The following ABCA13 variants were observed in gnomAD, a reference collection of about 807,000 sequenced individuals.
The protein encoded by ABCA13 is ATP-binding cassette sub-family A member 13.
Under a neutral mutation model 478.7 loss-of-function variants are expected in ABCA13, and 476 were observed. The observed-to-expected ratio is 0.99, with a 90% CI of 0.92 to 1.07. ABCA13 has a LOEUF of 1.07. ABCA13 is among the 50% of genes least tolerant of loss of function. The pLI is 0.00. For missense variants in ABCA13, 6,060 were observed against 5,910.6 expected (o/e 1.03, Z -0.83); for synonymous variants, 2,252 against 2,158.9 (o/e 1.04, Z -1.20).
chr7:48,394,899 G>T (rs1031821231), intron 38 of ABCA13, among the ~76,000 whole-genome samples: 2 of 152,080 alleles, frequency 1.3e-5, no homozygotes, highest in African/African-American at 4.8e-5. Context: ...GCTCTACTGG[G>T]GGGTGTGTGA....
intron 41 of ABCA13, among the ~76,000 whole-genome samples, chr7:48,422,260 G>A (rs1172442838): frequency 1.3e-5 from 2 of 151,496 alleles, no homozygotes; most frequent in African/African-American, 4.9e-5. Flanking sequence ...TCTTCATTTG[G>A]GGGCTAAGGT....
At chr7:48,528,851 A>T (rs942971601) in intron 55 of ABCA13, among the ~76,000 whole-genome samples, 2 of 152,078 alleles carry the variant, frequency 1.3e-5, no homozygotes, top group Non-Finnish European at 2.9e-5. Context: ...AGTAGGCAAG[A>T]TGTTTATTCC....
chr7:48,460,001 G>T (rs1826076776), intron 43 of ABCA13, among the ~76,000 whole-genome samples: 1 of 152,084 alleles, frequency 6.6e-6, no homozygotes. Context: ...CTGGCCCACT[G>T]TCTGCTGAGT....
chr7:48,360,919 G>T (rs1170519660), intron 31 of ABCA13, among the ~76,000 whole-genome samples: 1 of 151,788 alleles, frequency 6.6e-6, no homozygotes, highest in African/African-American at 2.4e-5. Flanking sequence ...AGCATAGCAA[G>T]ACCCCATCTC....
At chr7:48,303,337 TAATTAGGTCCCATTTTTC>T (rs1800425617) in intron 23 of ABCA13, among the ~76,000 whole-genome samples, 1 of 152,190 alleles carries the variant, frequency 6.6e-6, no homozygotes, top group African/African-American at 2.4e-5. Context: ...CTTTTTAGTT[TAATTAGGTCCCATTTTTC>T]AATTTTTGCT....
chr7:48,589,239 T>C (rs1004637510), intron 57 of ABCA13, among the ~76,000 whole-genome samples: 7 of 152,220 alleles, frequency 4.6e-5, no homozygotes, highest in African/African-American at 1.4e-4. Context: ...TTATTTGATG[T>C]TGCTAAATAA....
At chr7:48,340,940 T>TA (rs1401441692) in intron 29 of ABCA13, among the ~76,000 whole-genome samples, 1 of 152,220 alleles carries the variant, frequency 6.6e-6, no homozygotes, top group African/African-American at 2.4e-5. Context: ...TTCTAACTGA[T>TA]ACACCTACGG....
At position 48,262,313 on chromosome 7, in the gene ABCA13, G is replaced by C. The variant is rs146555293; in HGVS notation, c.2006-6667G>C. Among the ~76,000 whole-genome samples, 366 of 151,974 alleles carry C rather than the reference G, an allele frequency of 2.4e-3. 3 individuals carry two copies. The highest frequency in any genetic ancestry group is 8.4e-3 in the African/African-American group (349 of 41,546). On this transcript the variant is annotated intron_variant, in intron 15 of 61. Coordinates refer to ENST00000435803, the MANE Select transcript of ABCA13 (RefSeq NM_152701.5). ...GTGGATGCCTGGCTGGGGTGATGGA[G>C]AGAGTGTGTTAGAATTCATTCTTGC...
intron 58 of ABCA13, among the ~76,000 whole-genome samples, chr7:48,597,955 ACCAC>A (rs1163027803): frequency 1.3e-5 from 2 of 152,154 alleles, no homozygotes; most frequent in African/African-American, 4.8e-5. Context: ...ACAGCACATT[ACCAC>A]CCCAATCCAA....
In ABCA13 at chr7:48,275,165, G is replaced by A. The variant is rs1367712750; in HGVS notation, c.5499G>A (p.Arg1833=). The A allele has an allele frequency of 1.2e-6, 2 of 1,613,824 alleles. No individual in the cohort carries two copies. The highest frequency in any genetic ancestry group is 3.3e-5 in the Admixed American group (2 of 59,972). ...WCWNHTNSGF[R]QNSKIDPCNV... The stretch of plus-strand genomic sequence containing the variant: ...GGAATCACACAAATTCTGGATTTCG[G>A]CAGAATTCAAAGATAGACCCCTGCA... The change falls in exon 17 of 62, where the codon CGG becomes CGA. Residue 1833 remains arginine (R), a synonymous_variant. Coordinates refer to ENST00000435803, the MANE Select transcript of ABCA13 (RefSeq NM_152701.5).
chr7:48,539,152 G>A lies in ABCA13; in HGVS notation c.14354+10807G>A, dbSNP rs570239957. 1.7e-3 allele frequency among the ~76,000 whole-genome samples: 263 copies of A among 152,194 alleles called. 1 individual carries two copies. Among genetic ancestry groups the A allele is most frequent in the African/African-American group, 5.6e-3 (234 of 41,540 alleles). ...TCCTAGCACTTTGGGAGGCTGTGGCGGGCGAATTGCTTGAGCCCAGAGTTT... is the reference window on the plus strand; with the variant it reads ...TCCTAGCACTTTGGGAGGCTGTGGCAGGCGAATTGCTTGAGCCCAGAGTTT... On this transcript the variant is annotated intron_variant, in intron 55 of 61. Coordinates refer to ENST00000435803, the MANE Select transcript of ABCA13 (RefSeq NM_152701.5).
At chr7:48,455,346 T>G (rs1825548078) in intron 43 of ABCA13, 60 bp downstream of exon 43, 22 of 1,495,358 alleles carry the variant, frequency 1.5e-5, no homozygotes, top group South Asian at 2.5e-5. Flanking sequence ...TGAATTGCAA[T>G]AGCTTCGATA....
chr7:48,230,076 A>T lies in ABCA13; in HGVS notation c.763+121A>T, dbSNP rs189097947. On this transcript the variant is annotated intron_variant, in intron 7 of 61. Transcript: ENST00000435803. Reference sequence around the variant, plus strand: ...TTTAATTAAAATTTCAAATTCAAAAAAGTATGAATTGTTTCTGTTAATACA... The same window carrying T: ...TTTAATTAAAATTTCAAATTCAAAATAGTATGAATTGTTTCTGTTAATACA... 1.6e-4 allele frequency: 201 copies of T among 1,252,774 alleles called. No individual in the cohort carries two copies. In the Middle Eastern group the frequency reaches 2.0e-3, roughly 12 times the overall value. The allele number at this position is 1,252,774 out of a possible 1,614,324, so 77.6% of individuals were successfully genotyped here.
intron 59 of ABCA13, among the ~76,000 whole-genome samples, chr7:48,623,549 A>G (rs1793361623): frequency 6.6e-6 from 1 of 152,214 alleles, no homozygotes; most frequent in Non-Finnish European, 1.5e-5. Flanking sequence ...GTAAGAATCC[A>G]GAGGTAACTG....
chr7:48,321,327 T>C (rs1412873093), intron 27 of ABCA13, among the ~76,000 whole-genome samples: 1 of 152,136 alleles, frequency 6.6e-6, no homozygotes, highest in African/African-American at 2.4e-5. Context: ...GGGTATATAA[T>C]GCCAGACGGG....
chr7:48,209,621 T>G (rs1267467837), intron 3 of ABCA13, among the ~76,000 whole-genome samples: 1 of 152,188 alleles, frequency 6.6e-6, no homozygotes, highest in Non-Finnish European at 1.5e-5. Flanking sequence ...ATTTATTTAT[T>G]TCTTCTAAGT....
chr7:48,563,675 T>G (rs1323347205), intron 55 of ABCA13, among the ~76,000 whole-genome samples: 4 of 152,060 alleles, frequency 2.6e-5, no homozygotes, highest in Non-Finnish European at 5.9e-5. Context: ...TGGCCTGTGG[T>G]CAGGCCTGAA....
chr7:48,606,913 G>A lies in ABCA13; in HGVS notation c.14745-8372G>A, dbSNP rs190364333. Among the ~76,000 whole-genome samples the A allele has an allele frequency of 3.6e-3, 549 of 152,300 alleles. 4 individuals are homozygous for A. Among genetic ancestry groups the A allele is most frequent in the African/African-American group, 0.012 (510 of 41,560 alleles). ...GCCGTTTTTCCAGAGATGCCCTGCC[G>A]AGAGAGGAGGAATCTAGAGAGACAC... On this transcript the variant is annotated intron_variant, in intron 58 of 61. Coordinates refer to ENST00000435803, the MANE Select transcript of ABCA13 (RefSeq NM_152701.5).
At position 48,273,039 on chromosome 7, in the gene ABCA13, G is replaced by A. The variant is rs1276104913; in HGVS notation, c.3373G>A (p.Ala1125Thr). The A allele has an allele frequency of 6.2e-7, 1 of 1,613,440 alleles. No homozygotes were observed. The change falls in exon 17 of 62, where the codon GCA becomes ACA. Residue 1125 changes from alanine (A) to threonine (T), a missense_variant. Physicochemically the swap from Ala to Thr is moderately conservative, Grantham distance 58. Coordinates refer to ENST00000435803, the MANE Select transcript of ABCA13 (RefSeq NM_152701.5). The part of the protein sequence containing the change: ...SEESSFVFPL[A>T]QIFSNLSANV... ...GGAGTCTTCATTTGTTTTTCCATTG[G>A]CACAAATTTTTTCAAACCTCTCAGC...
Sources: gnomAD v4.1 joint callset for allele counts (sites outside exome capture counted in the v4.1 genomes callset) on GRCh38, gnomAD v4.1.1 for gene constraint, MANE v1.5 for transcripts, NCBI Gene and HGNC (gene_info 2026-07-23, HGNC 2026-07-21) for gene names.